The following DNAI4 variants were observed in gnomAD, a reference collection of about 807,000 sequenced individuals.
DNAI4 encodes the protein dynein axonemal intermediate chain 4, also known as WD repeat domain 78.
DNAI4 carries 85 observed loss-of-function variants against 105.8 expected under a neutral mutation model. That is an observed-to-expected ratio of 0.80 (90% CI 0.67 to 0.96). The LOEUF (loss-of-function observed/expected upper bound fraction) is 0.96. Ranked by LOEUF, DNAI4 falls within the 40% of genes least tolerant of loss-of-function variation. DNAI4 has a pLI of 0.00. For synonymous variants in DNAI4, 352 were observed against 331.5 expected, an observed-to-expected ratio of 1.06 and a Z score of -0.67; for missense variants, 1,014 against 1,005.6, an observed-to-expected ratio of 1.01 and a Z score of -0.11.
chr1:66,893,003 AAG>A lies in DNAI4; in HGVS notation c.530+224_530+225del, dbSNP rs1200544285. Among the ~76,000 whole-genome samples the A allele has an allele frequency of 1.2e-4, 13 of 112,006 alleles. 1 individual carries two copies. Among genetic ancestry groups the A allele is most frequent in the African/African-American group, 2.2e-4 (6 of 27,362 alleles). 73.5% of individuals were successfully genotyped at this position (112,006 alleles called of 152,430 possible). A position where few individuals can be genotyped will look rare whatever the true frequency, so the allele number is the denominator to read the frequency against. On this transcript the variant is annotated intron_variant, in intron 3 of 16. Transcript: ENST00000371026. Reference sequence around the variant, plus strand: ...AAAGAAAGAAAGAAAGAAAGAGAGAAAGAGAGAGAGGAAAGAAAGAAAGAAAG... The same window carrying A: ...AAAGAAAGAAAGAAAGAAAGAGAGAAAGAGAGAGGAAAGAAAGAAAGAAAG...
intron 4 of DNAI4, 112 bp downstream of exon 4, chr1:66,891,042 C>T (rs778156807): frequency 3.4e-6 from 3 of 886,580 alleles, no homozygotes; most frequent in African/African-American, 3.3e-5. Context: ...CTTCACAAGC[C>T]AGCATTTGGA....
intron 8 of DNAI4, among the ~76,000 whole-genome samples, chr1:66,845,839 CGT>C (rs143467352): frequency 0.012 from 1,433 of 115,122 alleles, 22 homozygotes; most frequent in African/African-American, 0.045. Context: ...CAGAGCAATG[CGT>C]GTGTGTGTGT....
chr1:66,848,265 T>C, intron 7 of DNAI4: 1 of 456,226 alleles, frequency 2.2e-6, no homozygotes. Flanking sequence ...ATTGATTGCA[T>C]TCCCGCTGAC....
intron 1 of DNAI4, among the ~76,000 whole-genome samples, chr1:66,910,895 C>G (rs2100858224): frequency 6.6e-6 from 1 of 152,310 alleles, no homozygotes; most frequent in East Asian, 1.9e-4. Flanking sequence ...TCTCAAACCA[C>G]AACAATCAAT....
At chr1:66,905,688 T>C (rs1481471139) in intron 1 of DNAI4, among the ~76,000 whole-genome samples, 1 of 152,140 alleles carries the variant, frequency 6.6e-6, no homozygotes, top group East Asian at 1.9e-4. Flanking sequence ...CCTAAGTCCA[T>C]GCTGACTTCT....
intron 6 of DNAI4, among the ~76,000 whole-genome samples, chr1:66,869,056 G>A (rs1228540689): frequency 6.7e-6 from 1 of 149,624 alleles, no homozygotes; most frequent in Non-Finnish European, 1.5e-5. Flanking sequence ...CCTGGCGACA[G>A]AGTGAGACTC....
chr1:66,843,689 C>T (rs1051443310), intron 8 of DNAI4, among the ~76,000 whole-genome samples: 1 of 152,088 alleles, frequency 6.6e-6, no homozygotes, highest in African/African-American at 2.4e-5. Flanking sequence ...GGTCTATGAT[C>T]CATTTGAGTT....
intron 4 of DNAI4, among the ~76,000 whole-genome samples, chr1:66,884,727 C>G (rs564447383): frequency 2.0e-5 from 3 of 152,194 alleles, no homozygotes; most frequent in African/African-American, 7.2e-5. Context: ...GTGATGCTGG[C>G]CTTGTAAAAT....
At chr1:66,847,176 G>A (rs1272330212) in intron 8 of DNAI4, among the ~76,000 whole-genome samples, 1 of 152,210 alleles carries the variant, frequency 6.6e-6, no homozygotes, top group African/African-American at 2.4e-5. Context: ...ATTTAGTGCT[G>A]AAAGCTTTAG....
chr1:66,893,099 AAGAAAG>A (rs1647969161), intron 3 of DNAI4, 124 bp downstream of exon 3: 1 of 447,172 alleles, frequency 2.2e-6, no homozygotes. Flanking sequence ...GAAAGAAAGA[AAGAAAG>A]AAAGAAAGAA....
chr1:66,905,415 A>G (rs1351739123), intron 1 of DNAI4, 40 bp from the exon 2 acceptor site: 1 of 1,319,814 alleles, frequency 7.6e-7, no homozygotes, highest in East Asian at 2.6e-5. Flanking sequence ...AGGATTCAAG[A>G]TTGAAAAGAA....
chr1:66,862,037 G>C (rs896893811), intron 7 of DNAI4, 110 bp downstream of exon 7: 5 of 1,047,436 alleles, frequency 4.8e-6, no homozygotes, highest in Non-Finnish European at 5.4e-6. Context: ...AGTAAAAGTT[G>C]TACTTTTCAT....
At chr1:66,892,456 G>A (rs1347996917) in intron 3 of DNAI4, among the ~76,000 whole-genome samples, 2 of 152,232 alleles carry the variant, frequency 1.3e-5, no homozygotes, top group Non-Finnish European at 2.9e-5. Flanking sequence ...GAAATTAATT[G>A]TATGTGATTT....
At position 66,872,172 on chromosome 1, in the gene DNAI4, T is replaced by G. The variant is rs141007444; in HGVS notation, c.801-663A>C. On this transcript the variant is annotated intron_variant, in intron 5 of 16. Transcript: ENST00000371026. ...CTACTTTAACAGGATATGTATCAAG[T>G]TTCCAATTTTTGCTTCACATATTTT... Among the ~76,000 whole-genome samples, 578 of 152,094 alleles carry G rather than the reference T, an allele frequency of 3.8e-3. 4 individuals carry two copies. In the Middle Eastern group the frequency reaches 0.044, roughly 12 times the overall value.
At chr1:66,873,972 A>G (rs1170647027) in intron 5 of DNAI4, among the ~76,000 whole-genome samples, 1 of 150,186 alleles carries the variant, frequency 6.7e-6, no homozygotes, top group African/African-American at 2.4e-5. Flanking sequence ...CCATATTATA[A>G]TATTTTAGAT....
intron 2 of DNAI4, among the ~76,000 whole-genome samples, chr1:66,902,283 G>T (rs1648889604): frequency 6.6e-6 from 1 of 152,090 alleles, no homozygotes; most frequent in African/African-American, 2.4e-5. Context: ...GTGTCTTACT[G>T]TGATTTTGAT....
At chr1:66,830,909 C>T (rs905134888) in intron 13 of DNAI4, among the ~76,000 whole-genome samples, 1 of 141,368 alleles carries the variant, frequency 7.1e-6, no homozygotes, top group African/African-American at 2.6e-5. Flanking sequence ...CCCAGGAGTT[C>T]AGAGTTACAG....
At chr1:66,835,572 A>G (rs1315203248) in intron 11 of DNAI4, 54 bp downstream of exon 11, 23 of 1,558,480 alleles carry the variant, frequency 1.5e-5, no homozygotes, top group Non-Finnish European at 2.0e-5. Flanking sequence ...ACATTAGAGT[A>G]AATCCTCCTG....
intron 7 of DNAI4, among the ~76,000 whole-genome samples, chr1:66,859,663 T>C (rs903380744): frequency 1.3e-5 from 2 of 152,148 alleles, no homozygotes; most frequent in Non-Finnish European, 2.9e-5. Flanking sequence ...TAGAGGAGGC[T>C]TAAGTGCATA....
Sources: allele counts gnomAD v4.1 joint callset (sites outside exome capture counted in the v4.1 genomes callset), GRCh38; gene constraint gnomAD v4.1.1; transcripts MANE v1.5; gene names NCBI Gene and HGNC (gene_info 2026-07-23, HGNC 2026-07-21).